The following ST6GALNAC3 variants were observed in gnomAD, a reference collection of about 807,000 sequenced individuals.
ST6GALNAC3 encodes alpha-N-acetylgalactosaminide alpha-2,6-sialyltransferase 3.
Under a neutral mutation model 32.7 loss-of-function variants are expected in ST6GALNAC3, and 25 were observed. The observed-to-expected ratio is 0.76, with a 90% CI of 0.56 to 1.07. ST6GALNAC3 has a LOEUF of 1.07. Ranked by LOEUF, ST6GALNAC3 falls within the 50% of genes least tolerant of loss-of-function variation. ST6GALNAC3 has a pLI of 0.00. For missense variants in ST6GALNAC3, 355 were observed against 382.4 expected, an observed-to-expected ratio of 0.93 and a Z score of 0.60; for synonymous variants, 129 against 133.1, an observed-to-expected ratio of 0.97 and a Z score of 0.21.
chr1:76,396,625 A>C (rs928183466), intron 2 of ST6GALNAC3, among the ~76,000 whole-genome samples: 1 of 152,202 alleles, frequency 6.6e-6, no homozygotes, highest in Non-Finnish European at 1.5e-5. Flanking sequence ...TGAATTGCTA[A>C]TAAAAGCCAA....
At chr1:76,349,984 A>G (rs983380118) in intron 2 of ST6GALNAC3, among the ~76,000 whole-genome samples, 5 of 152,214 alleles carry the variant, frequency 3.3e-5, no homozygotes, top group Admixed American at 6.5e-5. Flanking sequence ...AGTTTTATAT[A>G]TAGATAGCTT....
chr1:76,342,706 C>T (rs1430529507), intron 2 of ST6GALNAC3, among the ~76,000 whole-genome samples: 2 of 151,942 alleles, frequency 1.3e-5, no homozygotes, highest in African/African-American at 4.8e-5. Flanking sequence ...AGTGTATAAG[C>T]TTTCCCTTTT....
At chr1:76,286,283 C>T (rs1659773018) in intron 1 of ST6GALNAC3, among the ~76,000 whole-genome samples, 2 of 152,156 alleles carry the variant, frequency 1.3e-5, no homozygotes, top group Admixed American at 6.5e-5. Context: ...AAAGGTAAAA[C>T]CACAGTGTAA....
intron 3 of ST6GALNAC3, among the ~76,000 whole-genome samples, chr1:76,551,920 C>T (rs1664660705): frequency 6.6e-6 from 1 of 152,298 alleles, no homozygotes; most frequent in East Asian, 1.9e-4. Flanking sequence ...TGCATGTCAG[C>T]TCCACTGTTG....
chr1:76,259,626 A>G (rs529692383), intron 1 of ST6GALNAC3, among the ~76,000 whole-genome samples: 25 of 152,310 alleles, frequency 1.6e-4, no homozygotes, highest in African/African-American at 6.0e-4. Flanking sequence ...AGCAACCAAC[A>G]TTCTATAGAT....
chr1:76,356,689 T>TCC, intron 2 of ST6GALNAC3, among the ~76,000 whole-genome samples: 1 of 151,976 alleles, frequency 6.6e-6, no homozygotes, highest in African/African-American at 2.4e-5. Flanking sequence ...AGAGAATACA[T>TCC]CAAAAAGCAT....
Position 76,628,691 on chromosome 1 carries a change from T to G in ST6GALNAC3, c.803T>G (p.Leu268Arg). Residue 268 changes from leucine (L) to arginine (R), a missense_variant, in exon 5 of 5, where the codon CTT becomes CGT. By Grantham distance (102) the Leu-to-Arg change is moderately radical. Coordinates refer to ENST00000328299, the MANE Select transcript of ST6GALNAC3 (RefSeq NM_152996.4). ...QGRDECDEYF[L>R]HEHAPYGGHR... ...AGAGATGAGTGTGATGAATATTTTC[T>G]TCATGAACATGCCCCATATGGGGGT... 6.2e-7 allele frequency: 1 copy of G among 1,612,462 alleles called. No individual in the cohort carries two copies.
intron 3 of ST6GALNAC3, among the ~76,000 whole-genome samples, chr1:76,530,832 C>T (rs1663206167): frequency 6.6e-6 from 1 of 152,106 alleles, no homozygotes. Context: ...ACTTCATACC[C>T]TATTTAATGA....
chr1:76,358,840 A>G (rs1649701932), intron 2 of ST6GALNAC3, among the ~76,000 whole-genome samples: 1 of 152,120 alleles, frequency 6.6e-6, no homozygotes, highest in Non-Finnish European at 1.5e-5. Context: ...CTTCAAACAT[A>G]GAGGACAAAC....
chr1:76,273,070 A>G (rs1487798577), intron 1 of ST6GALNAC3, among the ~76,000 whole-genome samples: 1 of 152,220 alleles, frequency 6.6e-6, no homozygotes, highest in Non-Finnish European at 1.5e-5. Context: ...ATTATAAAAG[A>G]CATGTATCTT....
At chr1:76,081,403 A>G (rs55811448) in intron 1 of ST6GALNAC3, among the ~76,000 whole-genome samples, 23,878 of 152,038 alleles carry the variant, frequency 0.16, 2,223 homozygotes, top group Middle Eastern at 0.32. Flanking sequence ...TGGACAAGCT[A>G]TAGAGCTTGT....
At chr1:76,172,906 C>A (rs1652614350) in intron 1 of ST6GALNAC3, among the ~76,000 whole-genome samples, 1 of 152,142 alleles carries the variant, frequency 6.6e-6, no homozygotes, top group African/African-American at 2.4e-5. Flanking sequence ...AATGGTCATA[C>A]TGCCCAAAGT....
chr1:76,508,725 A>T (rs1437804397), intron 3 of ST6GALNAC3, among the ~76,000 whole-genome samples: 1 of 152,176 alleles, frequency 6.6e-6, no homozygotes, highest in African/African-American at 2.4e-5. Context: ...ATCAGGTAGC[A>T]TATACTCTGT....
chr1:76,594,558 A>G (rs1368147329), intron 3 of ST6GALNAC3, among the ~76,000 whole-genome samples: 1 of 152,196 alleles, frequency 6.6e-6, no homozygotes, highest in African/African-American at 2.4e-5. Flanking sequence ...CCTAAAGGAA[A>G]ACTAAATAAC....
At chr1:76,237,816 A>G (rs1252184990) in intron 1 of ST6GALNAC3, among the ~76,000 whole-genome samples, 1 of 152,224 alleles carries the variant, frequency 6.6e-6, no homozygotes, top group Admixed American at 6.5e-5. Flanking sequence ...ATGTGCAAAA[A>G]ATGAATATCT....
intron 1 of ST6GALNAC3, among the ~76,000 whole-genome samples, chr1:76,130,688 G>C (rs1339772568): frequency 6.6e-6 from 1 of 152,188 alleles, no homozygotes; most frequent in Non-Finnish European, 1.5e-5. Flanking sequence ...AGCACTTGAG[G>C]CCTCAGAACC....
At chr1:76,560,443 G>C (rs1009699694) in intron 3 of ST6GALNAC3, among the ~76,000 whole-genome samples, 7 of 152,190 alleles carry the variant, frequency 4.6e-5, no homozygotes, top group Middle Eastern at 3.4e-3. Context: ...TCTGACAAGA[G>C]ATTAACAACC....
rs138223470 is a variant in ST6GALNAC3 at position 76,150,661 on chromosome 1, ACGT to A, written c.18+75778_18+75780del. On this transcript the variant is annotated intron_variant, in intron 1 of 4. Transcript: ENST00000328299. ...TGGTGCAGTGGTAGGATTCTGTGAAACGTTGTCAGATGTGTGAGTGTGCAGATT... is the reference window on the plus strand; with the variant it reads ...TGGTGCAGTGGTAGGATTCTGTGAAATGTCAGATGTGTGAGTGTGCAGATT... Among the ~76,000 whole-genome samples, 29 of 149,284 alleles carry A rather than the reference ACGT, an allele frequency of 1.9e-4. 1 individual carries two copies. Among genetic ancestry groups the A allele is most frequent in the African/African-American group, 7.2e-4 (29 of 40,486 alleles).
At chr1:76,466,592 A>G (rs984121100) in intron 3 of ST6GALNAC3, among the ~76,000 whole-genome samples, 2 of 152,116 alleles carry the variant, frequency 1.3e-5, no homozygotes, top group African/African-American at 4.8e-5. Context: ...TCAAGTGTTA[A>G]TATACTTTGA....
Sources: allele counts gnomAD v4.1 joint callset (sites outside exome capture counted in the v4.1 genomes callset), GRCh38; gene constraint gnomAD v4.1.1; transcripts MANE v1.5; gene names NCBI Gene and HGNC (gene_info 2026-07-23, HGNC 2026-07-21).